The following BPTF variants were observed in gnomAD, a reference collection of about 807,000 sequenced individuals.
BPTF encodes nucleosome-remodeling factor subunit BPTF.
A neutral mutation model predicts 292.5 loss-of-function variants in BPTF; 18 were observed. The observed-to-expected ratio is 0.06, with a 90% confidence interval of 0.04 to 0.09. The LOEUF (loss-of-function observed/expected upper bound fraction) is 0.09, where lower values mean the gene tolerates loss of function less well. Ranked by LOEUF, BPTF falls within the 10% of genes least tolerant of loss-of-function variation. BPTF has a pLI of 1.00. For synonymous variants in BPTF, 1,225 were observed against 1,251.9 expected (o/e 0.98, Z 0.45); for missense variants, 2,726 against 3,498.7 (o/e 0.78, Z 5.57).
In BPTF at chr17:67,944,452, G is replaced by T. The variant is rs1568137029; in HGVS notation, c.6700+80G>T. On this transcript the variant is annotated intron_variant, in intron 20 of 27. Transcript: ENST00000306378. ...CTAACAGAGGCCAACAGGAGAACCA[G>T]TATTTACCTTTGGAAGGATATGCCT... 3 of 1,480,110 alleles carry T rather than the reference G, an allele frequency of 2.0e-6. No individual in the cohort carries two copies. The East Asian group carries it at 6.8e-5, about 33-fold the overall frequency. 91.7% of individuals were successfully genotyped at this position (1,480,110 alleles called of 1,614,324 possible).
chr17:67,855,723 G>T (rs1446314257), intron 2 of BPTF, among the ~76,000 whole-genome samples: 2 of 152,218 alleles, frequency 1.3e-5, no homozygotes, highest in African/African-American at 2.4e-5. Flanking sequence ...AGAGGGATGG[G>T]CTACTTTGTG....
intron 18 of BPTF, among the ~76,000 whole-genome samples, chr17:67,936,057 T>C (rs995452218): frequency 6.6e-6 from 1 of 152,204 alleles, no homozygotes; most frequent in Non-Finnish European, 1.5e-5. Context: ...ACAGACTTCA[T>C]GGTTTTACAG....
intron 4 of BPTF, among the ~76,000 whole-genome samples, chr17:67,884,212 A>G (rs562470785): frequency 2.9e-4 from 42 of 144,582 alleles, no homozygotes; most frequent in African/African-American, 1.0e-3. Context: ...ATCTCAGCTC[A>G]CTGCAACCTC....
chr17:67,877,928 C>T (rs910324996), intron 4 of BPTF, among the ~76,000 whole-genome samples: 3 of 152,120 alleles, frequency 2.0e-5, no homozygotes, highest in African/African-American at 7.2e-5. Context: ...GCTACTGCAC[C>T]CAGCAACTTT....
chr17:67,965,922 A>T (rs1173133320), intron 25 of BPTF: 1 of 152,112 alleles, frequency 6.6e-6, no homozygotes, highest in Non-Finnish European at 1.5e-5. Context: ...TGAGCTGCAC[A>T]TGTTGGCACG....
chr17:67,961,875 G>A (rs113004842), intron 24 of BPTF, among the ~76,000 whole-genome samples: 5 of 152,028 alleles, frequency 3.3e-5, no homozygotes, highest in East Asian at 1.9e-4. Flanking sequence ...TCGGGAGGCC[G>A]AGTCAGGAGA....
chr17:67,911,418 A>G lies in BPTF; in HGVS notation c.3534A>G (p.Lys1178=). Residue 1178 remains lysine (K), a synonymous_variant, in exon 11 of 28, where the codon AAA becomes AAG. Coordinates refer to ENST00000306378, the MANE Select transcript of BPTF (RefSeq NM_182641.4). The stretch of plus-strand genomic sequence containing the variant: ...TCTCCATTCGGAGCCCAGAAACAAA[A>G]TGTCCGAAACAAAATTCCATTGAAA... ...DDVSIRSPET[K]CPKQNSIEND... 1 of 1,614,184 alleles carries G rather than the reference A, an allele frequency of 6.2e-7. No homozygotes were observed. The highest frequency in any genetic ancestry group is 8.5e-7 in the Non-Finnish European group (1 of 1,180,028).
chr17:67,844,539 G>A (rs563153904), intron 1 of BPTF, among the ~76,000 whole-genome samples: 66 of 151,042 alleles, frequency 4.4e-4, no homozygotes, highest in Non-Finnish European at 5.8e-4. Context: ...GAGCCACCAC[G>A]CCCGGCTAAT....
chr17:67,909,628 A>G lies in BPTF; in HGVS notation c.2859A>G (p.Lys953=), dbSNP rs768194749. The G allele has an allele frequency of 1.8e-5, 29 of 1,590,374 alleles. No individual in the cohort carries two copies. Among genetic ancestry groups the G allele is most frequent in the Non-Finnish European group, 2.3e-5 (27 of 1,172,292 alleles). ...ATATGGATGAGTCAGATAAAAGAAA[A>G]TGTTCACGAAGTCCAAAAAAAATAA... ...DENMDESDKR[K]CSRSPKKIKI... is the part of the protein sequence containing the mutation. The change falls in exon 10 of 28, where the codon AAA becomes AAG. Residue 953 remains lysine (K), a synonymous_variant. Transcript: ENST00000306378.
chr17:67,921,044 A>G (rs1403456066), intron 13 of BPTF, among the ~76,000 whole-genome samples: 1 of 151,342 alleles, frequency 6.6e-6, no homozygotes, highest in African/African-American at 2.4e-5. Context: ...CTATCCCTAC[A>G]AAACATACAA....
intron 11 of BPTF, among the ~76,000 whole-genome samples, chr17:67,916,865 A>T (rs1191607163): frequency 6.6e-6 from 1 of 151,356 alleles, no homozygotes; most frequent in African/African-American, 2.4e-5. Context: ...TTTTTATTTT[A>T]TAGCCTTTGT....
chr17:67,855,371 CT>C (rs1193280448), intron 2 of BPTF, among the ~76,000 whole-genome samples: 4 of 152,180 alleles, frequency 2.6e-5, no homozygotes, highest in Non-Finnish European at 5.9e-5. Flanking sequence ...TTATGTTCCT[CT>C]ATAGCCTAGC....
In BPTF at chr17:67,912,488, A is replaced by G; in HGVS notation, c.4604A>G (p.Glu1535Gly). Residue 1535 changes from glutamate to glycine, a missense_variant, in exon 11 of 28, where the codon GAA becomes GGA. Coordinates refer to ENST00000306378, the MANE Select transcript of BPTF (RefSeq NM_182641.4). Reference sequence around the variant, plus strand: ...TCAGTTAATCAGGTAGAAGATATGGAAATAGAAACCTCAGAAGTTAAGAAA... The same window carrying G: ...TCAGTTAATCAGGTAGAAGATATGGGAATAGAAACCTCAGAAGTTAAGAAA... Reference protein sequence around the residue: ...SNSVNQVEDMEIETSEVKKVT... With the variant: ...SNSVNQVEDMGIETSEVKKVT... The G allele has an allele frequency of 1.2e-6, 2 of 1,613,980 alleles. No homozygotes were observed. Among genetic ancestry groups the G allele is most frequent in the Non-Finnish European group, 1.7e-6 (2 of 1,179,954 alleles).
At chr17:67,881,491 GTTTTTTTTTTTTTT>G (rs140810889) in intron 4 of BPTF, among the ~76,000 whole-genome samples, 1 of 92,520 alleles carries the variant, frequency 1.1e-5, no homozygotes, top group Non-Finnish European at 2.3e-5. Context: ...CATAATCAAG[GTTTTTTTTTTTTTT>G]TTTTTTTTTT....
intron 4 of BPTF, among the ~76,000 whole-genome samples, chr17:67,880,872 ACT>A (rs1253304273): frequency 6.6e-6 from 1 of 150,994 alleles, no homozygotes; most frequent in Admixed American, 6.6e-5. Flanking sequence ...AATTTTATTG[ACT>A]CTTGTTTTGT....
intron 1 of BPTF, among the ~76,000 whole-genome samples, chr17:67,841,195 G>A (rs1468108711): frequency 6.6e-6 from 1 of 151,810 alleles, no homozygotes; most frequent in African/African-American, 2.4e-5. Flanking sequence ...ATCACCTGAG[G>A]TTGGGAGTTT....
chr17:67,877,486 G>A (rs533596287), intron 4 of BPTF, among the ~76,000 whole-genome samples: 18 of 152,194 alleles, frequency 1.2e-4, no homozygotes, highest in East Asian at 9.6e-4. Flanking sequence ...AACAATAGCC[G>A]TGATAGAAGA....
intron 7 of BPTF, among the ~76,000 whole-genome samples, chr17:67,898,284 C>G (rs903410476): frequency 6.6e-6 from 1 of 152,126 alleles, no homozygotes; most frequent in Admixed American, 6.5e-5. Context: ...CCACTTGAAC[C>G]TGGGAGGCAG....
At chr17:67,857,831 G>A (rs1259848851) in intron 2 of BPTF, among the ~76,000 whole-genome samples, 3 of 132,020 alleles carry the variant, frequency 2.3e-5, no homozygotes, top group Admixed American at 8.7e-5. Flanking sequence ...CTGTTGCCCC[G>A]GCTAGAGTAC....
Sources: allele counts gnomAD v4.1 joint callset (sites outside exome capture counted in the v4.1 genomes callset), GRCh38; gene constraint gnomAD v4.1.1; transcripts MANE v1.5; gene names NCBI Gene and HGNC (gene_info 2026-07-23, HGNC 2026-07-21).